PARD3: variants seen among roughly 807,000 people sequenced by gnomAD.
PARD3 encodes the protein partitioning defective 3 homolog.
PARD3 carries 75 observed loss-of-function variants against 155.4 expected under a neutral mutation model. The ratio of observed to expected loss-of-function variants is 0.48; its 90% CI spans 0.40 to 0.58. The LOEUF (loss-of-function observed/expected upper bound fraction) is 0.58. PARD3 is among the 20% of genes least tolerant of loss of function. PARD3 has a pLI of 0.00. For missense variants in PARD3, 1,642 were observed against 1,721.7 expected, an observed-to-expected ratio of 0.95 and a Z score of 0.82; for synonymous variants, 576 against 610.5, an observed-to-expected ratio of 0.94 and a Z score of 0.83.
intron 5 of PARD3, among the ~76,000 whole-genome samples, chr10:34,429,634 G>A (rs1244305488): frequency 1.3e-5 from 2 of 152,008 alleles, no homozygotes; most frequent in Non-Finnish European, 2.9e-5. Flanking sequence ...TGCCCGCGCT[G>A]GAGTGCAATG....
chr10:34,398,141 T>C (rs774174016), intron 7 of PARD3, among the ~76,000 whole-genome samples: 1 of 152,192 alleles, frequency 6.6e-6, no homozygotes, highest in African/African-American at 2.4e-5. Context: ...AACACTACCA[T>C]TCAAGCCTCA....
intron 19 of PARD3, among the ~76,000 whole-genome samples, chr10:34,322,520 T>C (rs1223815404): frequency 2.0e-5 from 3 of 152,234 alleles, no homozygotes; most frequent in Non-Finnish European, 2.9e-5. Context: ...GAATATCTAT[T>C]GTGTTATTTG....
chr10:34,763,432 A>G (rs2134033479), intron 1 of PARD3, among the ~76,000 whole-genome samples: 1 of 152,288 alleles, frequency 6.6e-6, no homozygotes, highest in East Asian at 1.9e-4. Flanking sequence ...CAGCTTGCCA[A>G]CCTGTGTCCT....
chr10:34,667,239 A>C (rs2093509911), intron 2 of PARD3, among the ~76,000 whole-genome samples: 1 of 152,238 alleles, frequency 6.6e-6, no homozygotes, highest in Non-Finnish European at 1.5e-5. Context: ...CATTAAAATG[A>C]ACAAATCATC....
At chr10:34,177,481 T>A (rs1950083909) in intron 22 of PARD3, among the ~76,000 whole-genome samples, 1 of 152,194 alleles carries the variant, frequency 6.6e-6, no homozygotes, top group Non-Finnish European at 1.5e-5. Context: ...TCAAAATGTT[T>A]AAGAAGGAAA....
At chr10:34,725,680 G>A (rs1480561160) in intron 1 of PARD3, among the ~76,000 whole-genome samples, 2 of 152,138 alleles carry the variant, frequency 1.3e-5, no homozygotes, top group Non-Finnish European at 2.9e-5. Context: ...AATCCTGGCT[G>A]TATCAGAAAC....
intron 22 of PARD3, among the ~76,000 whole-genome samples, chr10:34,208,312 T>G (rs1951574505): frequency 6.6e-6 from 1 of 152,228 alleles, no homozygotes; most frequent in Non-Finnish European, 1.5e-5. Context: ...GGTGCCTAAG[T>G]GAAGACTGTC....
chr10:34,372,491 C>T lies in PARD3; in HGVS notation c.1707+7G>A, dbSNP rs1840789602. ...TCTCTGCATCCTTCAAAAGACAAAGCTCTTACCGTTTCTTTTGGAATCTGC... is the reference window on the plus strand; with the variant it reads ...TCTCTGCATCCTTCAAAAGACAAAGTTCTTACCGTTTCTTTTGGAATCTGC... On this transcript the variant is annotated splice_region_variant and intron_variant, in intron 12 of 24. Transcript: ENST00000374788. 4.4e-6 allele frequency: 7 copies of T among 1,604,588 alleles called. No homozygotes were observed. The highest frequency in any genetic ancestry group is 6.0e-6 in the Non-Finnish European group (7 of 1,171,630).
At chr10:34,137,778 T>G (rs1947980414) in intron 22 of PARD3, among the ~76,000 whole-genome samples, 1 of 152,218 alleles carries the variant, frequency 6.6e-6, no homozygotes, top group South Asian at 2.1e-4. Context: ...TCAAGCCCAG[T>G]GGAGCCTGGC....
chr10:34,523,265 A>G (rs963151760), intron 2 of PARD3, among the ~76,000 whole-genome samples: 6 of 152,054 alleles, frequency 3.9e-5, no homozygotes, highest in African/African-American at 1.4e-4. Context: ...AACTCCACAC[A>G]CCCTGAGAAG....
At chr10:34,206,646 T>C (rs532024169) in intron 22 of PARD3, among the ~76,000 whole-genome samples, 10 of 152,330 alleles carry the variant, frequency 6.6e-5, no homozygotes, top group Middle Eastern at 3.4e-3. Flanking sequence ...CTCGGAGCAG[T>C]TCTGCAGTCA....
At position 34,648,400 on chromosome 10, in the gene PARD3, G is replaced by A. The variant is rs113484742; in HGVS notation, c.222+47918C>T. Among the ~76,000 whole-genome samples, 107 of 152,216 alleles carry A rather than the reference G, an allele frequency of 7.0e-4. 1 individual carries two copies. The highest frequency in any genetic ancestry group is 2.5e-3 in the African/African-American group (102 of 41,538). On this transcript the variant is annotated intron_variant, in intron 2 of 24. Transcript: ENST00000374788. ...GTGTGCTGCTTGGAGTCTCTCAGAA[G>A]ACCAAAAATTACTTCACAATACTGC...
intron 5 of PARD3, among the ~76,000 whole-genome samples, chr10:34,449,602 A>T (rs1458478102): frequency 6.6e-6 from 1 of 150,396 alleles, no homozygotes. Flanking sequence ...AAAGTATAAA[A>T]AAAAAGTGGA....
intron 22 of PARD3, among the ~76,000 whole-genome samples, chr10:34,155,205 G>C (rs1202301033): frequency 6.6e-6 from 1 of 152,186 alleles, no homozygotes; most frequent in East Asian, 1.9e-4. Flanking sequence ...GAAGTACCAA[G>C]TGGTTCCAGG....
intron 2 of PARD3, among the ~76,000 whole-genome samples, chr10:34,601,950 G>A (rs1018760075): frequency 1.3e-5 from 2 of 152,150 alleles, no homozygotes; most frequent in East Asian, 1.9e-4. Flanking sequence ...TGAAACTCAG[G>A]CAAAATTATC....
chr10:34,334,403 T>C (rs1221926361), intron 18 of PARD3, among the ~76,000 whole-genome samples: 1 of 146,486 alleles, frequency 6.8e-6, no homozygotes, highest in Non-Finnish European at 1.5e-5. Flanking sequence ...CAGAGGGAAA[T>C]GTAATTCAAT....
intron 20 of PARD3, among the ~76,000 whole-genome samples, chr10:34,288,339 G>T (rs1314054198): frequency 1.3e-5 from 2 of 151,924 alleles, no homozygotes. Context: ...ATTTCTTTAA[G>T]GTATACTATA....
intron 2 of PARD3, among the ~76,000 whole-genome samples, chr10:34,573,724 CAAACAAACAAAA>C (rs1323180478): frequency 6.8e-4 from 77 of 112,606 alleles, no homozygotes; most frequent in African/African-American, 3.3e-3. Context: ...AACAAACAAA[CAAACAAACAAAA>C]ACACACACAC....
intron 5 of PARD3, among the ~76,000 whole-genome samples, chr10:34,449,937 A>C (rs1297174350): frequency 6.6e-6 from 1 of 152,244 alleles, no homozygotes; most frequent in African/African-American, 2.4e-5. Flanking sequence ...GGTACAACAG[A>C]AAGTTTTAAT....
Sources: allele counts gnomAD v4.1 joint callset (sites outside exome capture counted in the v4.1 genomes callset), GRCh38; gene constraint gnomAD v4.1.1; transcripts MANE v1.5; gene names NCBI Gene and HGNC (gene_info 2026-07-23, HGNC 2026-07-21).